Variants in WDR59 observed in about 807,000 individuals in gnomAD.
WDR59 encodes the protein GATOR2 complex protein WDR59.
WDR59 carries 100 observed loss-of-function variants against 131.2 expected under a neutral mutation model. The ratio of observed to expected loss-of-function variants is 0.76; its 90% confidence interval spans 0.65 to 0.90. The LOEUF is 0.90. Among genes scored for constraint, WDR59 ranks in the 40% least tolerant of loss-of-function variants. WDR59 has a pLI of 0.00. For synonymous variants in WDR59, 601 were observed against 466.2 expected (o/e 1.29, Z -3.72); for missense variants, 1,203 against 1,262.2 (o/e 0.95, Z 0.71).
At chr16:74,984,039 G>A (rs2034527741) in intron 1 of WDR59, among the ~76,000 whole-genome samples, 2 of 152,128 alleles carry the variant, frequency 1.3e-5, no homozygotes, top group Non-Finnish European at 2.9e-5. Context: ...CACTTTGGGA[G>A]GCTGAGGTGG....
chr16:74,889,636 T>C (rs971843026), intron 21 of WDR59, 67 bp downstream of exon 21: 12 of 1,284,382 alleles, frequency 9.3e-6, no homozygotes, highest in Non-Finnish European at 1.3e-5. Flanking sequence ...GGTGGTGACA[T>C]TTCAAGTGTT....
intron 13 of WDR59, among the ~76,000 whole-genome samples, chr16:74,913,757 G>C (rs1427502486): frequency 2.6e-5 from 4 of 152,196 alleles, no homozygotes; most frequent in African/African-American, 9.7e-5. Flanking sequence ...AGTAGATTCG[G>C]GATTGCCACG....
intron 18 of WDR59, among the ~76,000 whole-genome samples, chr16:74,895,219 T>A (rs910235696): frequency 3.3e-5 from 5 of 152,188 alleles, no homozygotes; most frequent in African/African-American, 1.2e-4. Flanking sequence ...CATTTGTAAA[T>A]GCATGTTACA....
intron 17 of WDR59, chr16:74,904,320 C>T (rs1965698124): frequency 7.7e-6 from 4 of 520,734 alleles, no homozygotes; most frequent in Non-Finnish European, 1.4e-5. Flanking sequence ...AAGGAATCTA[C>T]AAACTACTAG....
chr16:74,922,847 G>A (rs1027159952), intron 9 of WDR59, among the ~76,000 whole-genome samples: 6 of 152,132 alleles, frequency 3.9e-5, no homozygotes, highest in African/African-American at 1.2e-4. Flanking sequence ...CTTGGCAAGC[G>A]ATCCCAGGTA....
At chr16:74,978,632 C>T (rs1271736352) in intron 1 of WDR59, among the ~76,000 whole-genome samples, 1 of 152,138 alleles carries the variant, frequency 6.6e-6, no homozygotes, top group Admixed American at 6.6e-5. Context: ...ACAGGGGGAC[C>T]AAGGAACTGT....
intron 10 of WDR59, among the ~76,000 whole-genome samples, chr16:74,920,519 G>C (rs1375177384): frequency 6.6e-6 from 1 of 152,118 alleles, no homozygotes; most frequent in Non-Finnish European, 1.5e-5. Context: ...TCCTGCCTCA[G>C]CCTCCGAAGT....
chr16:74,918,030 T>A (rs1290048858), intron 10 of WDR59, 22 bp from the exon 11 acceptor site: 1 of 1,609,740 alleles, frequency 6.2e-7, no homozygotes, highest in Non-Finnish European at 8.5e-7. Flanking sequence ...CAAATAAGAA[T>A]CCTGGAAATT....
In WDR59 at chr16:74,909,832, T is replaced by C; in HGVS notation, c.1475A>G (p.Glu492Gly). 1 of 1,612,266 alleles carries C rather than the reference T, an allele frequency of 6.2e-7. No homozygotes were observed. Among genetic ancestry groups the C allele is most frequent in the South Asian group, 1.1e-5 (1 of 90,934 alleles). The change falls in exon 15 of 26, where the codon GAG becomes GGG. Residue 492 changes from glutamate to glycine, a missense_variant. Transcript: ENST00000262144. ...PCLRQLVSCL[E>G]SFVNQEDSAS... Reference sequence around the variant, plus strand: ...TTTCATGCTTCCCACCACAAAGGACTCAAGGCAGGAGACGAGCTGGCGCAG... The same window carrying C: ...TTTCATGCTTCCCACCACAAAGGACCCAAGGCAGGAGACGAGCTGGCGCAG...
intron 21 of WDR59, 140 bp from the exon 22 acceptor site, chr16:74,888,459 G>A (rs886308322): frequency 9.0e-5 from 82 of 912,626 alleles, no homozygotes; most frequent in Non-Finnish European, 1.2e-4. Flanking sequence ...TCAGGAAATG[G>A]GGCTTTCTAC....
intron 8 of WDR59, among the ~76,000 whole-genome samples, chr16:74,930,060 G>A (rs558047361): frequency 1.3e-5 from 2 of 152,270 alleles, no homozygotes; most frequent in East Asian, 3.9e-4. Context: ...AGCGGGGGGA[G>A]CCAGAAGTGG....
chr16:74,971,890 G>A (rs2033998111), intron 1 of WDR59, among the ~76,000 whole-genome samples: 1 of 151,976 alleles, frequency 6.6e-6, no homozygotes, highest in Non-Finnish European at 1.5e-5. Flanking sequence ...AAAATTTTGT[G>A]TAGAGATGGG....
chr16:74,963,251 C>CAA, intron 2 of WDR59: 2 of 148,574 alleles, frequency 1.3e-5, no homozygotes, highest in Non-Finnish European at 3.0e-5. Flanking sequence ...ACTCCGTCTT[C>CAA]AAAAAAAAAT....
At chr16:74,949,004 A>AAAAG (rs764836419) in intron 5 of WDR59, among the ~76,000 whole-genome samples, 23 of 152,038 alleles carry the variant, frequency 1.5e-4, no homozygotes, top group African/African-American at 4.1e-4. Flanking sequence ...GTCTCAGAAA[A>AAAAG]AAAGAAAGAA....
At chr16:74,958,592 C>CAAGAAAAAA (rs2033408594) in intron 2 of WDR59, among the ~76,000 whole-genome samples, 1 of 13,232 alleles carries the variant, frequency 7.6e-5, no homozygotes, top group Non-Finnish European at 1.5e-4. Flanking sequence ...GACTCCATCT[C>CAAGAAAAAA]AAAAAAAAAA....
intron 19 of WDR59, among the ~76,000 whole-genome samples, chr16:74,892,903 C>T (rs368211108): frequency 1.2e-4 from 19 of 152,316 alleles, no homozygotes; most frequent in African/African-American, 4.6e-4. Flanking sequence ...GAAATACATG[C>T]GACACTGACT....
At chr16:74,908,166 C>A (rs2144915996) in intron 17 of WDR59, among the ~76,000 whole-genome samples, 1 of 141,748 alleles carries the variant, frequency 7.1e-6, no homozygotes, top group South Asian at 2.2e-4. Context: ...ACCTGTAACC[C>A]CAGCACTTTG....
At chr16:74,963,213 A>T (rs1475294134) in intron 2 of WDR59, 4 of 152,208 alleles carry the variant, frequency 2.6e-5, no homozygotes, top group Admixed American at 6.6e-5. Context: ...AGATCATGCC[A>T]CTGCACTCCA....
Position 74,908,965 on chromosome 16 carries a change from T to C in WDR59, c.1655A>G (p.Tyr552Cys). The C allele has an allele frequency of 6.2e-7, 1 of 1,613,758 alleles. No homozygotes were observed. The highest frequency in any genetic ancestry group is 8.5e-7 in the Non-Finnish European group (1 of 1,179,924). ...ARFCGAGYLV[Y>C]FTRPMTMHRA... Reference sequence around the variant, plus strand: ...ATGCATTGTCATGGGCCTTGTGAAATATACCAGGTAACCTAAAGGAGGAGA... The same window carrying C: ...ATGCATTGTCATGGGCCTTGTGAAACATACCAGGTAACCTAAAGGAGGAGA... The change falls in exon 17 of 26, where the codon TAT becomes TGT. Residue 552 changes from tyrosine to cysteine, a missense_variant. Coordinates refer to ENST00000262144, the MANE Select transcript of WDR59 (RefSeq NM_030581.4).
Sources: gnomAD v4.1 joint callset for allele counts (sites outside exome capture counted in the v4.1 genomes callset) on GRCh38, gnomAD v4.1.1 for gene constraint, MANE v1.5 for transcripts, NCBI Gene and HGNC (gene_info 2026-07-23, HGNC 2026-07-21) for gene names.